The following SORCS2 variants were observed in gnomAD, a reference collection of about 807,000 sequenced individuals.
The protein encoded by SORCS2 is sortilin related VPS10 domain containing receptor 2.
Under a neutral mutation model 141.6 loss-of-function variants are expected in SORCS2, and 100 were observed. The observed-to-expected ratio is 0.71, with a 90% CI of 0.60 to 0.83. The LOEUF (loss-of-function observed/expected upper bound fraction) is 0.83. SORCS2 is among the 40% of genes least tolerant of loss of function. SORCS2 has a pLI of 0.00. For synonymous variants in SORCS2, 789 were observed against 676.9 expected (o/e 1.17, Z -2.57); for missense variants, 1,646 against 1,560.2 (o/e 1.05, Z -0.93).
intron 4 of SORCS2, among the ~76,000 whole-genome samples, chr4:7,645,147 G>A (rs530561856): frequency 1.3e-5 from 2 of 152,292 alleles, no homozygotes; most frequent in South Asian, 4.1e-4. Context: ...CGCTTTTTAG[G>A]CATCTATTGA....
At chr4:7,219,308 C>T (rs544985004) in intron 1 of SORCS2, among the ~76,000 whole-genome samples, 15 of 152,060 alleles carry the variant, frequency 9.9e-5, no homozygotes, top group Non-Finnish European at 1.5e-4. Flanking sequence ...CAAACCCAGA[C>T]TCTGGTTTCT....
chr4:7,269,052 G>C (rs2108838371), intron 1 of SORCS2, among the ~76,000 whole-genome samples: 1 of 152,304 alleles, frequency 6.6e-6, no homozygotes, highest in East Asian at 1.9e-4. Context: ...GGTTGAGGTT[G>C]ACGGGAGTAG....
intron 1 of SORCS2, among the ~76,000 whole-genome samples, chr4:7,300,006 C>G (rs1243145315): frequency 6.6e-6 from 1 of 152,246 alleles, no homozygotes; most frequent in Non-Finnish European, 1.5e-5. Flanking sequence ...TTGGTCAAAG[C>G]TGCTCTTTGT....
chr4:7,568,795 A>G (rs190983068), intron 3 of SORCS2, among the ~76,000 whole-genome samples: 1 of 152,356 alleles, frequency 6.6e-6, no homozygotes, highest in African/African-American at 2.4e-5. Flanking sequence ...GTCTATTGCA[A>G]TTACAAGGTA....
Position 7,192,986 on chromosome 4 carries a change from T to C in SORCS2, c.340T>C (p.Tyr114His), listed in dbSNP as rs779370731. ...PGEDGAPAAG[Y>H]RRWERAAPLA... Reference sequence around the variant, plus strand: ...CGAGGACGGCGCCCCCGCCGCGGGCTACCGGCGCTGGGAGCGGGCGGCGCC... The same window carrying C: ...CGAGGACGGCGCCCCCGCCGCGGGCCACCGGCGCTGGGAGCGGGCGGCGCC... Residue 114 changes from tyrosine to histidine, a missense_variant, in exon 1 of 27, where the codon TAC becomes CAC. Coordinates refer to ENST00000507866, the MANE Select transcript of SORCS2 (RefSeq NM_020777.3). The surrounding 1 kb of genome is among the most constrained non-coding windows in gnomAD (Gnocchi z 4.0). The C allele has an allele frequency of 7.0e-7, 1 of 1,423,464 alleles. No homozygotes were observed. The highest frequency in any genetic ancestry group is 1.5e-5 in the South Asian group (1 of 68,758). The allele number at this position is 1,423,464 out of a possible 1,614,324, so 88.2% of individuals were successfully genotyped here.
chr4:7,483,220 G>C (rs1034980921), intron 2 of SORCS2, among the ~76,000 whole-genome samples: 1 of 151,904 alleles, frequency 6.6e-6, no homozygotes, highest in Non-Finnish European at 1.5e-5. Flanking sequence ...CTACTCGGGA[G>C]GCTGAGGCAG....
intron 2 of SORCS2, among the ~76,000 whole-genome samples, chr4:7,443,479 T>G (rs994058462): frequency 6.6e-6 from 1 of 152,172 alleles, no homozygotes; most frequent in Non-Finnish European, 1.5e-5. Flanking sequence ...CGCAGGGAGT[T>G]TTGGGAGCCA....
At chr4:7,633,617 G>T (rs1486590673) in intron 3 of SORCS2, among the ~76,000 whole-genome samples, 1 of 152,208 alleles carries the variant, frequency 6.6e-6, no homozygotes, top group Admixed American at 6.5e-5. Flanking sequence ...AAAACTTTGA[G>T]TGGTGAAGAC....
At chr4:7,642,801 G>A (rs184797070) in intron 4 of SORCS2, among the ~76,000 whole-genome samples, 25 of 152,240 alleles carry the variant, frequency 1.6e-4, no homozygotes, top group African/African-American at 2.9e-4. Context: ...TGGAGTTTGC[G>A]TCCCCATACG....
intron 1 of SORCS2, chr4:7,382,001 G>A: frequency 1.0e-6 from 1 of 985,368 alleles, no homozygotes; most frequent in Non-Finnish European, 1.2e-6. Context: ...AGGTGAACAG[G>A]ACCAGGGACA....
At chr4:7,367,503 C>A (rs36022449) in intron 1 of SORCS2, among the ~76,000 whole-genome samples, 35,986 of 152,126 alleles carry the variant, frequency 0.24, 4,849 homozygotes, top group African/African-American at 0.37. Flanking sequence ...AAACAGATGA[C>A]CTCAGTCAAG....
At chr4:7,242,023 C>T (rs1021370349) in intron 1 of SORCS2, among the ~76,000 whole-genome samples, 36 of 152,238 alleles carry the variant, frequency 2.4e-4, no homozygotes, top group African/African-American at 6.3e-4. Context: ...GTTTGACTGG[C>T]GAGGAAGCTA....
intron 3 of SORCS2, among the ~76,000 whole-genome samples, chr4:7,544,229 T>A (rs114368843): frequency 0.011 from 1,746 of 152,322 alleles, 27 homozygotes; most frequent in African/African-American, 0.038. Flanking sequence ...CATCAACTTA[T>A]TTATTCATTC....
chr4:7,367,701 C>T (rs762216174), intron 1 of SORCS2, among the ~76,000 whole-genome samples: 1 of 152,228 alleles, frequency 6.6e-6, no homozygotes, highest in African/African-American at 2.4e-5. Flanking sequence ...TCCGACTCTC[C>T]CTAGGAAATT....
At chr4:7,592,050 C>G (rs974254752) in intron 3 of SORCS2, among the ~76,000 whole-genome samples, 2 of 152,160 alleles carry the variant, frequency 1.3e-5, no homozygotes, top group African/African-American at 4.8e-5. Flanking sequence ...CCGAGGCTTT[C>G]ATTTGGGGGC....
intron 2 of SORCS2, chr4:7,433,932 C>T: frequency 6.2e-7 from 1 of 1,613,872 alleles, no homozygotes; most frequent in Non-Finnish European, 8.5e-7. Flanking sequence ...CATGGGTGAT[C>T]ATGAGCTCAG....
chr4:7,421,944 A>G (rs1452218443), intron 2 of SORCS2, among the ~76,000 whole-genome samples: 1 of 148,462 alleles, frequency 6.7e-6, no homozygotes, highest in Non-Finnish European at 1.5e-5. Flanking sequence ...TCCCTCCCCC[A>G]TGGTCGACCT....
chr4:7,571,162 A>AG (rs1322948949), intron 3 of SORCS2, among the ~76,000 whole-genome samples: 1 of 152,242 alleles, frequency 6.6e-6, no homozygotes, highest in African/African-American at 2.4e-5. Context: ...AATGCAGTGA[A>AG]CCTGGGCAGC....
chr4:7,525,428 C>A (rs986483532), intron 2 of SORCS2, among the ~76,000 whole-genome samples: 3 of 152,044 alleles, frequency 2.0e-5, no homozygotes, highest in African/African-American at 7.3e-5. Flanking sequence ...CAGGGAGCAG[C>A]AGTGGGCGGA....
Sources: gnomAD v4.1 joint callset for allele counts (sites outside exome capture counted in the v4.1 genomes callset) on GRCh38, gnomAD v4.1.1 for gene constraint, Gnocchi (gnomAD v3.1) non-coding constraint, MANE v1.5 for transcripts, NCBI Gene and HGNC (gene_info 2026-07-23, HGNC 2026-07-21) for gene names.